Variants in NUDCD3 observed in about 807,000 individuals in gnomAD.
The protein encoded by NUDCD3 is NudC domain containing 3, also known as nudC domain-containing protein 3.
A neutral mutation model predicts 39.7 loss-of-function variants in NUDCD3; 13 were observed. That is an observed-to-expected ratio of 0.33 (90% CI 0.21 to 0.52). The LOEUF is 0.52. Among genes scored for constraint, NUDCD3 ranks in the 20% least tolerant of loss-of-function variants. NUDCD3 has a pLI of 0.96. For synonymous variants in NUDCD3, 175 were observed against 172.4 expected (o/e 1.02, Z -0.12); for missense variants, 453 against 458.1 (o/e 0.99, Z 0.10).
chr7:44,489,241 A>G (rs1015978199), intron 1 of NUDCD3, among the ~76,000 whole-genome samples: 1 of 152,236 alleles, frequency 6.6e-6, no homozygotes, highest in African/African-American at 2.4e-5. Context: ...CTGCCATAAG[A>G]TCCTGCTAAA....
At chr7:44,413,709 G>GT (rs1202508760) in intron 3 of NUDCD3, among the ~76,000 whole-genome samples, 6 of 152,206 alleles carry the variant, frequency 3.9e-5, no homozygotes, top group Non-Finnish European at 8.8e-5. Context: ...TGATGGATAT[G>GT]TAAGTTAGTA....
intron 2 of NUDCD3, among the ~76,000 whole-genome samples, chr7:44,428,337 T>A (rs1041682938): frequency 2.0e-5 from 3 of 151,446 alleles, no homozygotes; most frequent in Admixed American, 6.6e-5. Flanking sequence ...TTGGGAGGCT[T>A]GGGCAGGAGA....
At chr7:44,429,115 G>C (rs1047804383) in intron 2 of NUDCD3, among the ~76,000 whole-genome samples, 1 of 152,144 alleles carries the variant, frequency 6.6e-6, no homozygotes. Context: ...ACCTACTGTG[G>C]GTATGCCCTG....
chr7:44,394,175 C>A (rs1208556059), intron 4 of NUDCD3, among the ~76,000 whole-genome samples: 1 of 152,188 alleles, frequency 6.6e-6, no homozygotes, highest in Non-Finnish European at 1.5e-5. Flanking sequence ...TGATCTGAAG[C>A]CAGCATCCCA....
At chr7:44,445,279 A>C (rs766162334) in intron 2 of NUDCD3, among the ~76,000 whole-genome samples, 9 of 152,268 alleles carry the variant, frequency 5.9e-5, no homozygotes, top group East Asian at 1.9e-4. Context: ...CTTTCTGACA[A>C]ATCTGAGCAA....
intron 5 of NUDCD3, among the ~76,000 whole-genome samples, chr7:44,389,495 G>A (rs373422595): frequency 5.3e-5 from 8 of 152,276 alleles, no homozygotes; most frequent in South Asian, 4.2e-4. Flanking sequence ...TGGCTAACAC[G>A]GTGAAACCCC....
rs1215143937 is a variant in NUDCD3, at chr7:44,379,339, C to T, written c.*6672G>A. ...CCATATCATGGAAAATTCTGGAGAGCAGTTATCTTGGGACAGAGATGAGGC... is the reference window on the plus strand; with the variant it reads ...CCATATCATGGAAAATTCTGGAGAGTAGTTATCTTGGGACAGAGATGAGGC... On this transcript the variant is annotated 3_prime_UTR_variant, in exon 6 of 6. Coordinates refer to ENST00000355451, the MANE Select transcript of NUDCD3 (RefSeq NM_015332.4). 1 of 115,988 alleles carries T rather than the reference C, an allele frequency of 8.6e-6. No individual in the cohort carries two copies. The highest frequency in any genetic ancestry group is 1.2e-4 in the Admixed American group (1 of 8,138). 7.2% of individuals were successfully genotyped at this position (115,988 alleles called of 1,614,324 possible).
intron 1 of NUDCD3, among the ~76,000 whole-genome samples, chr7:44,488,102 C>A (rs1002005970): frequency 4.5e-4 from 68 of 152,010 alleles, no homozygotes; most frequent in African/African-American, 1.6e-3. Flanking sequence ...TTTAGGAGGC[C>A]GAGGCAGGCA....
intron 2 of NUDCD3, among the ~76,000 whole-genome samples, chr7:44,430,315 G>C (rs1306512609): frequency 6.6e-6 from 1 of 152,090 alleles, no homozygotes; most frequent in East Asian, 1.9e-4. Flanking sequence ...CACAGAGAGG[G>C]GGACTCACCC....
At chr7:44,404,400 A>G (rs1185322372) in intron 4 of NUDCD3, 40 bp downstream of exon 4, 3 of 1,600,976 alleles carry the variant, frequency 1.9e-6, no homozygotes, top group East Asian at 2.2e-5. Flanking sequence ...GCAGGTTTGA[A>G]GTCCACCTGG....
intron 4 of NUDCD3, among the ~76,000 whole-genome samples, chr7:44,397,344 A>G (rs936202676): frequency 2.0e-5 from 3 of 152,114 alleles, no homozygotes; most frequent in African/African-American, 4.8e-5. Flanking sequence ...CCTGCTTTCT[A>G]TTCTCCTTGG....
At chr7:44,442,532 G>A (rs367777953) in intron 2 of NUDCD3, among the ~76,000 whole-genome samples, 1 of 152,110 alleles carries the variant, frequency 6.6e-6, no homozygotes, top group Non-Finnish European at 1.5e-5. Context: ...AGCCCCACGA[G>A]GGCTGAAGAT....
At chr7:44,413,348 G>A (rs1798965706) in intron 3 of NUDCD3, 1 of 152,130 alleles carries the variant, frequency 6.6e-6, no homozygotes, top group African/African-American at 2.4e-5. Context: ...CAGCTACCTG[G>A]GAGGCTGAGA....
At chr7:44,393,775 C>T (rs926469259) in intron 4 of NUDCD3, among the ~76,000 whole-genome samples, 2 of 152,162 alleles carry the variant, frequency 1.3e-5, no homozygotes, top group African/African-American at 4.8e-5. Context: ...CAGCTCTCAT[C>T]CATGGAGGTG....
rs1272842946 is a variant in NUDCD3 at position 44,382,420 on chromosome 7, GTCTC to G, written c.*3587_*3590del. On this transcript the variant is annotated 3_prime_UTR_variant, in exon 6 of 6. Transcript: ENST00000355451. ...TGAAATGACAGAATATTCATTTTTC[GTCTC>G]TCTGAGATAGTGACCACACTGTCCT... 1.3e-5 allele frequency: 2 copies of G among 152,154 alleles called. No individual in the cohort carries two copies. The highest frequency in any genetic ancestry group is 2.9e-5 in the Non-Finnish European group (2 of 68,042). The allele number at this position is 152,154 out of a possible 1,614,324, so 9.4% of individuals were successfully genotyped here. A position where few individuals can be genotyped will look rare whatever the true frequency, so the allele number is the denominator to read the frequency against.
chr7:44,413,002 T>G (rs1322925544), intron 3 of NUDCD3, among the ~76,000 whole-genome samples: 1 of 146,972 alleles, frequency 6.8e-6, no homozygotes, highest in African/African-American at 2.5e-5. Flanking sequence ...ACTATTCTAA[T>G]GGGGTAAAAA....
intron 2 of NUDCD3, among the ~76,000 whole-genome samples, chr7:44,480,710 G>A (rs1342270330): frequency 6.6e-6 from 1 of 152,072 alleles, no homozygotes; most frequent in Non-Finnish European, 1.5e-5. Context: ...ACGAGGCTGA[G>A]GCGAGTGGAT....
chr7:44,439,269 A>G (rs1449259728), intron 2 of NUDCD3, among the ~76,000 whole-genome samples: 2 of 152,234 alleles, frequency 1.3e-5, no homozygotes, highest in Non-Finnish European at 2.9e-5. Flanking sequence ...ATGACAAAGA[A>G]CTCACCTATT....
chr7:44,487,474 C>T (rs1328385553), intron 1 of NUDCD3, among the ~76,000 whole-genome samples: 1 of 147,066 alleles, frequency 6.8e-6, no homozygotes, highest in African/African-American at 2.5e-5. Flanking sequence ...AAAAAAAAAA[C>T]CCTAAGAGGC....
Sources: allele counts gnomAD v4.1 joint callset (sites outside exome capture counted in the v4.1 genomes callset), GRCh38; gene constraint gnomAD v4.1.1; transcripts MANE v1.5; gene names NCBI Gene and HGNC (gene_info 2026-07-23, HGNC 2026-07-21).